Variants in DGKQ observed in about 807,000 individuals in gnomAD.
DGKQ encodes the protein diacylglycerol kinase theta.
Under a neutral mutation model 104.2 loss-of-function variants are expected in DGKQ, and 97 were observed. That is an observed-to-expected ratio of 0.93 (90% CI 0.79 to 1.10). DGKQ has a LOEUF of 1.10. Among genes scored for constraint, DGKQ ranks in the 50% least tolerant of loss-of-function variants. The pLI, the probability that DGKQ is intolerant of heterozygous loss-of-function variation, is 0.00. For synonymous variants in DGKQ, 736 were observed against 595.2 expected (o/e 1.24, Z -3.44); for missense variants, 1,465 against 1,352.1 (o/e 1.08, Z -1.31).
At position 962,542 on chromosome 4, in the gene DGKQ, A is replaced by C; in HGVS notation, c.2107T>G (p.Ser703Ala). The C allele has an allele frequency of 6.2e-7, 1 of 1,610,506 alleles. No homozygotes were observed. The highest frequency in any genetic ancestry group is 8.5e-7 in the Non-Finnish European group (1 of 1,179,924). ...AGCACGGCGTCGGCCTCGTCCACAG[A>C]CAGCAGTACGGAGAACGGGTCCTCG... ...SGEDPFSVLL[S>A]VDEADAVLMD... The change falls in exon 18 of 23, where the codon TCT becomes GCT. Residue 703 changes from serine to alanine, a missense_variant. Physicochemically the swap from Ser to Ala is moderately conservative, Grantham distance 99. Transcript: ENST00000273814.
Position 961,782 on chromosome 4 carries a change from A to G in DGKQ, c.2368T>C (p.Ser790Pro). The change falls in exon 20 of 23, where the codon TCT (serine) becomes CCT (proline). Residue 790 changes from serine to proline, a missense_variant. Physicochemically the swap from Ser to Pro is moderately conservative, Grantham distance 74. Coordinates refer to ENST00000273814, the MANE Select transcript of DGKQ (RefSeq NM_001347.4). Reference sequence around the variant, plus strand: ...CGGATCTGCTTGTGCAGGCTCCGAGAGTGACTGATCTTCTGCAGCCCCACC... The same window carrying G: ...CGGATCTGCTTGTGCAGGCTCCGAGGGTGACTGATCTTCTGCAGCCCCACC... ...VRVGLQKISH[S>P]RSLHKQIRLQ... is the part of the protein sequence containing the mutation. 1 of 1,611,324 alleles carries G rather than the reference A, an allele frequency of 6.2e-7. No homozygotes were observed. Among genetic ancestry groups the G allele is most frequent in the Non-Finnish European group, 8.5e-7 (1 of 1,179,258 alleles).
chr4:972,575 CT>C (rs931604070), intron 1 of DGKQ, among the ~76,000 whole-genome samples: 1 of 151,030 alleles, frequency 6.6e-6, no homozygotes, highest in African/African-American at 2.4e-5. Context: ...TGTGGTCCCC[CT>C]GTCCCTCGCT....
At chr4:965,806 C>T (rs895171315) in intron 13 of DGKQ, 122 bp downstream of exon 13, 4 of 1,172,428 alleles carry the variant, frequency 3.4e-6, no homozygotes, top group Admixed American at 5.4e-5. Flanking sequence ...GTGGGCTGGA[C>T]CCGGAGCTCA....
At position 966,609 on chromosome 4, in the gene DGKQ, TG is replaced by T. The variant is rs1712366331; in HGVS notation, c.1367-83del. On this transcript the variant is annotated intron_variant, in intron 11 of 22. Transcript: ENST00000273814. ...AGCTGCCCGGAGCCCCCAGGGCCCG[TG>T]GGGATGCAGGGTGGAGCTGGTCAGG... 3 of 1,523,054 alleles carry T rather than the reference TG, an allele frequency of 2.0e-6. No individual in the cohort carries two copies. The African/African-American group carries it at 4.1e-5, about 21-fold the overall frequency. 94.3% of individuals were successfully genotyped at this position (1,523,054 alleles called of 1,614,324 possible). A position where few individuals can be genotyped will look rare whatever the true frequency, so the allele number is the denominator to read the frequency against.
chr4:962,327 C>T (rs950219166), intron 18 of DGKQ, 108 bp downstream of exon 18: 36 of 1,157,968 alleles, frequency 3.1e-5, no homozygotes, highest in Admixed American at 9.4e-5. Context: ...GGGGATGATG[C>T]GGGCGCGTAC....
intron 21 of DGKQ, 78 bp downstream of exon 21, chr4:961,389 C>A: frequency 1.4e-6 from 2 of 1,447,140 alleles, no homozygotes; most frequent in Non-Finnish European, 9.3e-7. Flanking sequence ...GGCCCTGGGG[C>A]GGGAGAGGCC....
intron 10 of DGKQ, 40 bp downstream of exon 10, chr4:966,924 C>A (rs749571629): frequency 3.2e-6 from 5 of 1,548,114 alleles, no homozygotes; most frequent in African/African-American, 1.4e-5. Context: ...GACCCCCCAC[C>A]GAGTCTGGCC....
Position 960,581 on chromosome 4 carries a change from G to A in DGKQ, c.*39C>T, listed in dbSNP as rs766001892. 3 of 1,572,258 alleles carry A rather than the reference G, an allele frequency of 1.9e-6. No individual in the cohort carries two copies. The highest frequency in any genetic ancestry group is 2.3e-5 in the East Asian group (1 of 44,422). ...CCACCTGAAAACAAGGCTGGCGGGAGCAGAGATGGCTCGAGCCCTTGGGCT... is the reference window on the plus strand; with the variant it reads ...CCACCTGAAAACAAGGCTGGCGGGAACAGAGATGGCTCGAGCCCTTGGGCT... On this transcript the variant is annotated 3_prime_UTR_variant, in exon 23 of 23. Coordinates refer to ENST00000273814, the MANE Select transcript of DGKQ (RefSeq NM_001347.4).
chr4:968,472 C>T lies in DGKQ; in HGVS notation c.537+7G>A, dbSNP rs545182177. The T allele has an allele frequency of 9.4e-6, 15 of 1,602,634 alleles. No homozygotes were observed. In the South Asian group the frequency reaches 1.5e-4, roughly 16 times the overall value. ...CCCCCAGGGCTCCCTGGGGCCGGTA[C>T]ACTCACGTGATCCTGGTGCCCATCC... On this transcript the variant is annotated splice_region_variant and intron_variant, in intron 4 of 22. Transcript: ENST00000273814.
In DGKQ at chr4:962,914, G is replaced by A; in HGVS notation, c.1893C>T (p.His631=). 1 of 1,608,014 alleles carries A rather than the reference G, an allele frequency of 6.2e-7. No individual in the cohort carries two copies. The highest frequency in any genetic ancestry group is 2.2e-5 in the East Asian group (1 of 44,588). ...LTNGGPLPGL[H]LFSQVPCFRV... ...GGAAGCAGGGCACCTGGGAGAACAG[G>A]TGGAGCCTAGCGGGAGACAGGAAGT... Residue 631 remains histidine, a synonymous_variant, in exon 17 of 23, where the codon CAC becomes CAT. Transcript: ENST00000273814.
chr4:968,468 G>T lies in DGKQ; in HGVS notation c.537+11C>A, dbSNP rs1560519107. 1 of 1,601,198 alleles carries T rather than the reference G, an allele frequency of 6.2e-7. No individual in the cohort carries two copies. The highest frequency in any genetic ancestry group is 1.7e-5 in the Admixed American group (1 of 58,772). ...CCACCCCCCAGGGCTCCCTGGGGCC[G>T]GTACACTCACGTGATCCTGGTGCCC... On this transcript the variant is annotated intron_variant, in intron 4 of 22. Transcript: ENST00000273814.
At position 967,537 on chromosome 4, in the gene DGKQ, C is replaced by G. The variant is rs374850356; in HGVS notation, c.987+12G>C. On this transcript the variant is annotated intron_variant, in intron 8 of 22. Transcript: ENST00000273814. ...GGGAGGGGGCTCAGACCTCCCCCAGCCTCCCCCTTACCAGCACCTCCTCGG... is the reference window on the plus strand; with the variant it reads ...GGGAGGGGGCTCAGACCTCCCCCAGGCTCCCCCTTACCAGCACCTCCTCGG... The G allele has an allele frequency of 3.1e-6, 5 of 1,610,710 alleles. No homozygotes were observed. The highest frequency in any genetic ancestry group is 4.2e-6 in the Non-Finnish European group (5 of 1,178,734).
rs771130541 is a variant in DGKQ, at chr4:968,836, C to T, written c.426G>A (p.Leu142=). ...CTTCGCAGTGGAGCGCCGGTGCCTC[C>T]AGGACCTTGCGGCAGACAGCACAGA... is the stretch of plus-strand genomic sequence containing the variant. ...RKFCAVCRKV[L]EAPALHCEVC... Residue 142 remains leucine (L), a synonymous_variant, in exon 3 of 23, where the codon CTG becomes CTA. Coordinates refer to ENST00000273814, the MANE Select transcript of DGKQ (RefSeq NM_001347.4). 9.3e-6 allele frequency: 15 copies of T among 1,610,984 alleles called. No homozygotes were observed. In the East Asian group the frequency reaches 2.9e-4, roughly 31 times the overall value.
At chr4:960,822 C>G in intron 22 of DGKQ, 101 bp from the exon 23 acceptor site, 5 of 1,523,388 alleles carry the variant, frequency 3.3e-6, no homozygotes, top group Non-Finnish European at 4.4e-6. Context: ...CTGATGCCAT[C>G]TCAGCCCCAT....
In DGKQ at chr4:967,717, CG is replaced by C; in HGVS notation, c.886+10del. 5 of 1,611,598 alleles carry C rather than the reference CG, an allele frequency of 3.1e-6. No homozygotes were observed. Among genetic ancestry groups the C allele is most frequent in the Non-Finnish European group, 4.2e-6 (5 of 1,179,368 alleles). ...CTCAGTGGAGTTGGGGGGAATGAGG[CG>C]GGCACTTACCGGACTCCGGAGTTGC... is the stretch of plus-strand genomic sequence containing the variant. On this transcript the variant is annotated intron_variant, in intron 7 of 22. Transcript: ENST00000273814.
Position 970,994 on chromosome 4 carries a change from C to T in DGKQ, c.350G>A (p.Arg117Gln), listed in dbSNP as rs746541173. ...PCTSVAPSLV[R>Q]VPVAHCFGPR... ...TGCAACACCCAGCCCCACACTCACC[C>T]GGACCAGGCTGGGTGCCACACTCGT... Residue 117 changes from arginine (R) to glutamine (Q), a missense_variant and splice_region_variant, in exon 2 of 23, where the codon CGG (arginine) becomes CAG (glutamine). Arg to Gln is a conservative substitution (Grantham distance 43). Coordinates refer to ENST00000273814, the MANE Select transcript of DGKQ (RefSeq NM_001347.4). The T allele has an allele frequency of 1.9e-5, 29 of 1,550,402 alleles. No individual in the cohort carries two copies. The highest frequency in any genetic ancestry group is 2.0e-5 in the Admixed American group (1 of 51,084).
chr4:970,169 G>GA (rs1712818038), intron 2 of DGKQ, among the ~76,000 whole-genome samples: 1 of 152,224 alleles, frequency 6.6e-6, no homozygotes, highest in Admixed American at 6.5e-5. Context: ...CATTAGAGGG[G>GA]ACGGCGCAGC....
intron 18 of DGKQ, 31 bp from the exon 19 acceptor site, chr4:962,113 C>T (rs372753778): frequency 1.4e-5 from 22 of 1,585,436 alleles, no homozygotes; most frequent in South Asian, 1.2e-4. Flanking sequence ...TCCCAGGACC[C>T]GGCCGCCCTC....
At chr4:970,903 T>C in intron 2 of DGKQ, 90 bp downstream of exon 2, 1 of 1,004,226 alleles carries the variant, frequency 1.0e-6, no homozygotes, top group Admixed American at 2.1e-5. Context: ...ATCACTAACG[T>C]CTGACATGAA....
Sources: gnomAD v4.1 joint callset for allele counts (sites outside exome capture counted in the v4.1 genomes callset) on GRCh38, gnomAD v4.1.1 for gene constraint, MANE v1.5 for transcripts, NCBI Gene and HGNC (gene_info 2026-07-23, HGNC 2026-07-21) for gene names.